ERLEC1: variants seen among roughly 807,000 people sequenced by gnomAD.
ERLEC1 encodes endoplasmic reticulum lectin 1, also known as ER lectin.
ERLEC1 carries 47 observed loss-of-function variants against 68.0 expected under a neutral mutation model. That is an observed-to-expected ratio of 0.69 (90% CI 0.55 to 0.88). The LOEUF is 0.88. Ranked by LOEUF, ERLEC1 falls within the 40% of genes least tolerant of loss-of-function variation. The pLI, the probability that ERLEC1 is intolerant of heterozygous loss-of-function variation, is 0.00. For synonymous variants in ERLEC1, 225 were observed against 203.2 expected, an observed-to-expected ratio of 1.11 and a Z score of -0.91; for missense variants, 567 against 583.8, an observed-to-expected ratio of 0.97 and a Z score of 0.30.
At chr2:53,806,036 T>C (rs1187546449) in intron 8 of ERLEC1, among the ~76,000 whole-genome samples, 2 of 152,224 alleles carry the variant, frequency 1.3e-5, no homozygotes, top group African/African-American at 4.8e-5. Flanking sequence ...ACGTAACTTT[T>C]CTTTTGAAAA....
At chr2:53,794,551 A>C in intron 2 of ERLEC1, 102 bp downstream of exon 2, 1 of 592,144 alleles carries the variant, frequency 1.7e-6, no homozygotes, top group Admixed American at 3.7e-5. Flanking sequence ...AGATTTCTCA[A>C]TAACGCTCTT....
chr2:53,788,563 ATT>A (rs763375369), intron 1 of ERLEC1: 2 of 141,640 alleles, frequency 1.4e-5, no homozygotes, highest in Non-Finnish European at 1.5e-5. Flanking sequence ...CTCCTGGCTA[ATT>A]TTTTTTTTTT....
At chr2:53,804,693 T>C (rs1265326372) in intron 8 of ERLEC1, among the ~76,000 whole-genome samples, 1 of 152,298 alleles carries the variant, frequency 6.6e-6, no homozygotes, top group East Asian at 1.9e-4. Flanking sequence ...AATGAGACTC[T>C]TTTAGTATTA....
intron 7 of ERLEC1, 26 bp from the exon 8 acceptor site, chr2:53,801,687 T>C (rs1336357132): frequency 1.2e-6 from 2 of 1,613,844 alleles, no homozygotes; most frequent in African/African-American, 2.7e-5. Context: ...TGTGCATAGC[T>C]TTAATGCTTT....
At chr2:53,812,798 C>A (rs769786522) in intron 10 of ERLEC1, 151 bp from the exon 11 acceptor site, 2 of 709,692 alleles carry the variant, frequency 2.8e-6, no homozygotes, top group South Asian at 2.4e-5. Context: ...CTTAAATTTC[C>A]ACTCATTGAA....
rs776692100 is a variant in ERLEC1, at chr2:53,797,541, A to T, written c.375A>T (p.Val125=). The T allele has an allele frequency of 6.2e-7, 1 of 1,612,716 alleles. No individual in the cohort carries two copies. Among genetic ancestry groups the T allele is most frequent in the South Asian group, 1.1e-5 (1 of 90,488 alleles). ...YRIESYWTYE[V]CHGKHIRQYH... ...TTGAGTCTTATTGGACTTACGAAGT[A>T]TGTCATGGAAAACACATTCGGCAGT... is the stretch of plus-strand genomic sequence containing the variant. The change falls in exon 4 of 14, where the codon GTA becomes GTT. Residue 125 remains valine (V), a synonymous_variant. Transcript: ENST00000185150.
At chr2:53,810,973 T>C (rs966186634) in intron 10 of ERLEC1, among the ~76,000 whole-genome samples, 1 of 152,218 alleles carries the variant, frequency 6.6e-6, no homozygotes, top group African/African-American at 2.4e-5. Context: ...ATCTGTCTCC[T>C]CTGCCATCAT....
At chr2:53,817,176 C>G (rs574366412) in intron 13 of ERLEC1, among the ~76,000 whole-genome samples, 1 of 151,220 alleles carries the variant, frequency 6.6e-6, no homozygotes, top group Admixed American at 6.6e-5. Context: ...CTCTGTCACC[C>G]AGGCTGGAGT....
In ERLEC1 at chr2:53,787,072, G is replaced by A; in HGVS notation, c.-139G>A. On this transcript the variant is annotated 5_prime_UTR_variant, in exon 1 of 14. Coordinates refer to ENST00000185150, the MANE Select transcript of ERLEC1 (RefSeq NM_015701.5). ...GGCGGCGTTGCCGGGCTCTCCGGAA[G>A]GAGACGTGGCGGCGGTTGGGCCGGT... The A allele has an allele frequency of 8.2e-7, 1 of 1,215,504 alleles. No individual in the cohort carries two copies. The highest frequency in any genetic ancestry group is 1.1e-6 in the Non-Finnish European group (1 of 912,132). The allele number at this position is 1,215,504 out of a possible 1,614,324, so 75.3% of individuals were successfully genotyped here.
intron 1 of ERLEC1, among the ~76,000 whole-genome samples, chr2:53,792,751 T>A (rs1675477572): frequency 6.6e-6 from 1 of 152,332 alleles, no homozygotes; most frequent in Non-Finnish European, 1.5e-5. Context: ...GGGCAGTGGC[T>A]CACGCCTGTA....
At chr2:53,795,704 C>CT (rs1351691627) in intron 2 of ERLEC1, among the ~76,000 whole-genome samples, 1 of 152,052 alleles carries the variant, frequency 6.6e-6, no homozygotes, top group Non-Finnish European at 1.5e-5. Context: ...TTAAAAAAAC[C>CT]TTTTTTTAAG....
chr2:53,799,000 C>T, intron 5 of ERLEC1, 47 bp from the exon 6 acceptor site: 2 of 1,566,960 alleles, frequency 1.3e-6, no homozygotes, highest in Non-Finnish European at 8.7e-7. Flanking sequence ...TCATTTGTAC[C>T]ACATATGTCA....
At position 53,801,774 on chromosome 2, in the gene ERLEC1, C is replaced by G. The variant is rs746713904; in HGVS notation, c.811C>G (p.Pro271Ala). The G allele has an allele frequency of 3.7e-6, 6 of 1,613,770 alleles. No individual in the cohort carries two copies. The African/African-American group carries it at 8.0e-5, about 22-fold the overall frequency. Residue 271 changes from proline (P) to alanine (A), a missense_variant, in exon 8 of 14, where the codon CCC (proline) becomes GCC (alanine). Coordinates refer to ENST00000185150, the MANE Select transcript of ERLEC1 (RefSeq NM_015701.5). ...ATCACTGCCAGGATCTCCATTTAAG[C>G]CCCTCACCCTGAGGCAGCTGGAGCA... ...CQSLPGSPFK[P>A]LTLRQLEQQE...
intron 6 of ERLEC1, 63 bp from the exon 7 acceptor site, chr2:53,801,334 T>G: frequency 8.2e-7 from 1 of 1,213,310 alleles, no homozygotes; most frequent in South Asian, 1.3e-5. Flanking sequence ...TAAGTTCCTC[T>G]CCCACCCCCA....
chr2:53,794,534 G>A, intron 2 of ERLEC1, 85 bp downstream of exon 2: 1 of 629,622 alleles, frequency 1.6e-6, no homozygotes, highest in Non-Finnish European at 2.8e-6. Flanking sequence ...AAGTAAAATT[G>A]AATAACAGAT....
chr2:53,799,043 A>G lies in ERLEC1; in HGVS notation c.491-4A>G. 1 of 1,612,400 alleles carries G rather than the reference A, an allele frequency of 6.2e-7. No individual in the cohort carries two copies. Among genetic ancestry groups the G allele is most frequent in the Non-Finnish European group, 8.5e-7 (1 of 1,179,022 alleles). On this transcript the variant is annotated splice_region_variant and splice_polypyrimidine_tract_variant and intron_variant, in intron 5 of 13. Transcript: ENST00000185150. Reference sequence around the variant, plus strand: ...TTCTTTACACTTACCTTATTATTCCACAGAACGAGAAGCAGAAGAAAAGGA... The same window carrying G: ...TTCTTTACACTTACCTTATTATTCCGCAGAACGAGAAGCAGAAGAAAAGGA...
rs149275346 is a variant in ERLEC1 at position 53,807,273 on chromosome 2, T to C, written c.880-1026T>C. Among the ~76,000 whole-genome samples, 359 of 152,318 alleles carry C rather than the reference T, an allele frequency of 2.4e-3. 1 individual carries two copies. The highest frequency in any genetic ancestry group is 4.0e-3 in the Non-Finnish European group (273 of 68,030). On this transcript the variant is annotated intron_variant, in intron 8 of 13. Coordinates refer to ENST00000185150, the MANE Select transcript of ERLEC1 (RefSeq NM_015701.5). The stretch of plus-strand genomic sequence containing the variant: ...CAGAACACACAGATAAACACATAAA[T>C]CACAAATTATTATTCTTGTTTCAAG...
At chr2:53,797,481 CT>C in intron 3 of ERLEC1, 33 bp from the exon 4 acceptor site, 1 of 1,514,224 alleles carries the variant, frequency 6.6e-7, no homozygotes, top group Non-Finnish European at 9.1e-7. Flanking sequence ...AGTTATGTGG[CT>C]TTTGTGCATT....
At chr2:53,803,994 G>A (rs868595698) in intron 8 of ERLEC1, among the ~76,000 whole-genome samples, 5 of 152,162 alleles carry the variant, frequency 3.3e-5, no homozygotes, top group East Asian at 1.9e-4. Flanking sequence ...AGCCAGGCAC[G>A]GTGATACACA....
Sources: allele counts gnomAD v4.1 joint callset (sites outside exome capture counted in the v4.1 genomes callset), GRCh38; gene constraint gnomAD v4.1.1; transcripts MANE v1.5; gene names NCBI Gene and HGNC (gene_info 2026-07-23, HGNC 2026-07-21).